Variants in SLC39A11 observed in about 807,000 individuals in gnomAD.
SLC39A11 encodes the protein zinc transporter ZIP11.
Under a neutral mutation model 36.1 loss-of-function variants are expected in SLC39A11, and 33 were observed. The observed-to-expected ratio is 0.91, with a 90% confidence interval of 0.69 to 1.22. The LOEUF is 1.22. Ranked by LOEUF, SLC39A11 falls within the 50% of genes most tolerant of loss-of-function variation. The pLI is 0.00. For synonymous variants in SLC39A11, 166 were observed against 170.3 expected (o/e 0.97, Z 0.20); for missense variants, 432 against 430.3 (o/e 1.00, Z -0.03).
chr17:72,993,119 C>T (rs1302579457), intron 4 of SLC39A11, among the ~76,000 whole-genome samples: 5 of 152,086 alleles, frequency 3.3e-5, no homozygotes, highest in Non-Finnish European at 7.4e-5. Context: ...GTGGGAGCCA[C>T]AATTCAAGAT....
At chr17:72,798,008 C>T (rs373325147) in intron 6 of SLC39A11, among the ~76,000 whole-genome samples, 3 of 152,074 alleles carry the variant, frequency 2.0e-5, no homozygotes, top group East Asian at 1.9e-4. Context: ...AAAGGACAGA[C>T]GTGACCACAG....
chr17:72,732,791 C>T (rs192152544), intron 7 of SLC39A11, among the ~76,000 whole-genome samples: 38 of 152,238 alleles, frequency 2.5e-4, no homozygotes, highest in African/African-American at 8.9e-4. Context: ...CCTGCTAGAG[C>T]CTGAAAGATT....
chr17:73,038,386 A>G (rs1414519424), intron 3 of SLC39A11, among the ~76,000 whole-genome samples: 1 of 151,980 alleles, frequency 6.6e-6, no homozygotes, highest in African/African-American at 2.4e-5. Context: ...AGTGATTCCC[A>G]GGCAAGGTGA....
chr17:73,013,970 C>T (rs561375229), intron 4 of SLC39A11, among the ~76,000 whole-genome samples: 111 of 152,264 alleles, frequency 7.3e-4, no homozygotes, highest in African/African-American at 2.6e-3. Flanking sequence ...TGCAAATTCT[C>T]TTAGCAGTGC....
chr17:73,044,275 C>G (rs1281398018), intron 3 of SLC39A11, among the ~76,000 whole-genome samples: 1 of 152,096 alleles, frequency 6.6e-6, no homozygotes, highest in Non-Finnish European at 1.5e-5. Context: ...TCACAGTAGC[C>G]CCAAACTGGA....
chr17:72,758,683 T>G (rs1473807170), intron 6 of SLC39A11, among the ~76,000 whole-genome samples: 1 of 152,136 alleles, frequency 6.6e-6, no homozygotes, highest in Non-Finnish European at 1.5e-5. Context: ...AGATAAACAA[T>G]GGCAAAGGCT....
chr17:73,074,064 A>G (rs1193285558), intron 3 of SLC39A11, among the ~76,000 whole-genome samples: 1 of 151,782 alleles, frequency 6.6e-6, no homozygotes, highest in Non-Finnish European at 1.5e-5. Flanking sequence ...AAAAAAAGGT[A>G]GCAGCAATTA....
At chr17:73,087,213 A>G (rs1231562733) in intron 2 of SLC39A11, among the ~76,000 whole-genome samples, 3 of 152,204 alleles carry the variant, frequency 2.0e-5, no homozygotes, top group Non-Finnish European at 4.4e-5. Flanking sequence ...CCTAGGTTCC[A>G]GATAAACCAT....
chr17:73,048,756 GC>G (rs1355544588), intron 3 of SLC39A11, among the ~76,000 whole-genome samples: 1 of 152,290 alleles, frequency 6.6e-6, no homozygotes, highest in East Asian at 1.9e-4. Flanking sequence ...ACAAAAACTG[GC>G]CTACAAGCGG....
At chr17:73,019,614 G>T in intron 4 of SLC39A11, among the ~76,000 whole-genome samples, 1 of 152,030 alleles carries the variant, frequency 6.6e-6, no homozygotes, top group Non-Finnish European at 1.5e-5. Context: ...ATAACACAAA[G>T]AGATACATTT....
At chr17:72,767,123 G>T (rs1160215368) in intron 6 of SLC39A11, among the ~76,000 whole-genome samples, 1 of 152,148 alleles carries the variant, frequency 6.6e-6, no homozygotes, top group East Asian at 1.9e-4. Flanking sequence ...GCCCCTCTCA[G>T]GTTTATTCTC....
intron 5 of SLC39A11, among the ~76,000 whole-genome samples, chr17:72,926,287 C>T (rs2084044820): frequency 6.6e-6 from 1 of 152,232 alleles, no homozygotes; most frequent in Non-Finnish European, 1.5e-5. Flanking sequence ...GTTCTCATCT[C>T]TCTTCTCACT....
At chr17:72,851,558 C>G (rs977214503) in intron 5 of SLC39A11, among the ~76,000 whole-genome samples, 6 of 152,218 alleles carry the variant, frequency 3.9e-5, no homozygotes, top group Non-Finnish European at 8.8e-5. Flanking sequence ...AGTTGCTTCG[C>G]AGTGAACTAC....
chr17:72,749,606 TG>T (rs1269957157), intron 6 of SLC39A11, among the ~76,000 whole-genome samples: 1 of 152,156 alleles, frequency 6.6e-6, no homozygotes, highest in East Asian at 1.9e-4. Context: ...TTGTGATAAG[TG>T]GGCCCTGGGC....
At chr17:72,900,582 C>G (rs1012574376) in intron 5 of SLC39A11, among the ~76,000 whole-genome samples, 1 of 151,738 alleles carries the variant, frequency 6.6e-6, no homozygotes, top group Non-Finnish European at 1.5e-5. Flanking sequence ...CTGATTTGCA[C>G]TTTTACAGTC....
intron 6 of SLC39A11, among the ~76,000 whole-genome samples, chr17:72,830,165 T>G (rs901843205): frequency 2.0e-5 from 3 of 152,182 alleles, no homozygotes; most frequent in Non-Finnish European, 2.9e-5. Flanking sequence ...CTAAAATTGC[T>G]ACCACTGATA....
At chr17:72,819,595 C>T (rs2077698072) in intron 6 of SLC39A11, among the ~76,000 whole-genome samples, 1 of 151,206 alleles carries the variant, frequency 6.6e-6, no homozygotes, top group Admixed American at 6.6e-5. Flanking sequence ...TGAAGGTGAG[C>T]CACTCTCTGC....
At chr17:72,865,049 G>A (rs1159808990) in intron 5 of SLC39A11, among the ~76,000 whole-genome samples, 1 of 152,224 alleles carries the variant, frequency 6.6e-6, no homozygotes, top group Non-Finnish European at 1.5e-5. Context: ...AATGATGGGT[G>A]AGATGAACAG....
chr17:72,877,261 G>A (rs2080950950), intron 5 of SLC39A11, among the ~76,000 whole-genome samples: 1 of 152,200 alleles, frequency 6.6e-6, no homozygotes, highest in Admixed American at 6.5e-5. Flanking sequence ...GTGATCAAAT[G>A]TTCCTGTCTT....
Sources: allele counts gnomAD v4.1 joint callset (sites outside exome capture counted in the v4.1 genomes callset), GRCh38; gene constraint gnomAD v4.1.1; transcripts MANE v1.5; gene names NCBI Gene and HGNC (gene_info 2026-07-23, HGNC 2026-07-21).